The following ERGIC1 variants were observed in gnomAD, a reference collection of about 807,000 sequenced individuals.
ERGIC1 encodes the protein endoplasmic reticulum-golgi intermediate compartment 1, also known as endoplasmic reticulum-Golgi intermediate compartment protein 1.
ERGIC1 carries 19 observed loss-of-function variants against 38.3 expected under a neutral mutation model. The ratio of observed to expected loss-of-function variants is 0.50; its 90% CI spans 0.35 to 0.73. ERGIC1 has a LOEUF of 0.73. Ranked by LOEUF, ERGIC1 falls within the 30% of genes least tolerant of loss-of-function variation. The pLI, the probability that ERGIC1 is intolerant of heterozygous loss-of-function variation, is 0.01. For synonymous variants in ERGIC1, 124 were observed against 157.6 expected (o/e 0.79, Z 1.60); for missense variants, 294 against 389.2 (o/e 0.76, Z 2.06).
chr5:172,905,471 T>C (rs771333018), intron 3 of ERGIC1: 9 of 465,430 alleles, frequency 1.9e-5, no homozygotes, highest in African/African-American at 4.0e-5. Context: ...CGTTGGGCCA[T>C]GCGGTGAGTG....
At chr5:172,943,222 G>A (rs1458404445) in intron 9 of ERGIC1, among the ~76,000 whole-genome samples, 3 of 152,168 alleles carry the variant, frequency 2.0e-5, no homozygotes, top group Non-Finnish European at 4.4e-5. Context: ...CCAAAGTGAG[G>A]TTCTTGCGAG....
intron 1 of ERGIC1, among the ~76,000 whole-genome samples, chr5:172,842,495 C>T (rs548042779): frequency 3.3e-4 from 51 of 152,304 alleles, no homozygotes; most frequent in African/African-American, 1.1e-3. Flanking sequence ...GTGCAGATGT[C>T]TCTGAGATCC....
chr5:172,860,977 G>A (rs1761683219), intron 1 of ERGIC1, among the ~76,000 whole-genome samples: 1 of 152,122 alleles, frequency 6.6e-6, no homozygotes, highest in Admixed American at 6.5e-5. Context: ...GACTGCCTGG[G>A]GTCACTCTGG....
At chr5:172,944,754 G>C (rs949984474) in intron 9 of ERGIC1, among the ~76,000 whole-genome samples, 6 of 152,342 alleles carry the variant, frequency 3.9e-5, no homozygotes, top group Admixed American at 3.3e-4. Flanking sequence ...AATTCTGCCA[G>C]CCTCCAAAGC....
intron 1 of ERGIC1, among the ~76,000 whole-genome samples, chr5:172,877,458 A>ATATATTTT (rs58452182): frequency 6.7e-4 from 58 of 86,608 alleles, no homozygotes; most frequent in African/African-American, 2.4e-3. Context: ...ATATATATAT[A>ATATATTTT]TTTTTTTTTT....
chr5:172,910,378 GAC>G (rs755497998), intron 4 of ERGIC1, among the ~76,000 whole-genome samples: 8 of 152,202 alleles, frequency 5.3e-5, no homozygotes, highest in Non-Finnish European at 1.0e-4. Context: ...ATTGGCAGCT[GAC>G]ACCTAGAGAA....
intron 6 of ERGIC1, among the ~76,000 whole-genome samples, chr5:172,925,795 C>A (rs1333330215): frequency 6.6e-6 from 1 of 152,212 alleles, no homozygotes; most frequent in African/African-American, 2.4e-5. Flanking sequence ...GTTAACCATG[C>A]CCATGGTAGC....
At chr5:172,923,958 C>A (rs777637919) in intron 5 of ERGIC1, 47 bp from the exon 6 acceptor site, 1 of 1,565,778 alleles carries the variant, frequency 6.4e-7, no homozygotes, top group Non-Finnish European at 8.8e-7. Flanking sequence ...ATGTTCCGCC[C>A]CCTGGAGAAG....
chr5:172,926,630 G>C lies in ERGIC1; in HGVS notation c.541+61G>C, dbSNP rs1045342156. On this transcript the variant is annotated intron_variant, in intron 7 of 9. Coordinates refer to ENST00000393784, the MANE Select transcript of ERGIC1 (RefSeq NM_001031711.3). The surrounding 1 kb of genome is among the most constrained non-coding windows in gnomAD (Gnocchi z 5.2). The stretch of plus-strand genomic sequence containing the variant: ...AGATGCCCAGTACAGCAGGCAGGGA[G>C]GGGGAGGGCAGAGAGGTGGGGGTGC... 9 of 1,588,750 alleles carry C rather than the reference G, an allele frequency of 5.7e-6. No homozygotes were observed. In the South Asian group the frequency reaches 7.7e-5, roughly 14 times the overall value.
At chr5:172,889,966 C>T (rs1490495924) in intron 2 of ERGIC1, among the ~76,000 whole-genome samples, 1 of 152,186 alleles carries the variant, frequency 6.6e-6, no homozygotes, top group Non-Finnish European at 1.5e-5. Context: ...TAGCTATTCT[C>T]CCATCCAGGT....
intron 1 of ERGIC1, among the ~76,000 whole-genome samples, chr5:172,868,343 C>T (rs763965166): frequency 1.7e-4 from 26 of 152,204 alleles, no homozygotes; most frequent in Non-Finnish European, 3.4e-4. Context: ...CACACTGGTT[C>T]ATCCAGACAG....
At chr5:172,836,069 T>C (rs1761029008) in intron 1 of ERGIC1, among the ~76,000 whole-genome samples, 1 of 152,188 alleles carries the variant, frequency 6.6e-6, no homozygotes. Context: ...AAATTGCTGT[T>C]TTTGATCTTT....
At chr5:172,947,906 G>A (rs1764158136) in intron 9 of ERGIC1, among the ~76,000 whole-genome samples, 1 of 151,856 alleles carries the variant, frequency 6.6e-6, no homozygotes, top group African/African-American at 2.4e-5. Flanking sequence ...GTGTGTGTGT[G>A]TGTGTGGTTA....
intron 1 of ERGIC1, among the ~76,000 whole-genome samples, chr5:172,854,474 T>C (rs1046856707): frequency 6.6e-6 from 1 of 152,280 alleles, no homozygotes; most frequent in Non-Finnish European, 1.5e-5. Context: ...CTGGGGCCAC[T>C]GTCTGTTGGG....
chr5:172,855,634 C>T (rs555594121), intron 1 of ERGIC1, among the ~76,000 whole-genome samples: 3 of 152,344 alleles, frequency 2.0e-5, no homozygotes, highest in South Asian at 4.1e-4. Context: ...GTCCTCCCCA[C>T]GATGTTCAAC....
chr5:172,935,372 C>T, intron 9 of ERGIC1, 62 bp downstream of exon 9: 1 of 1,606,842 alleles, frequency 6.2e-7, no homozygotes, highest in Non-Finnish European at 8.5e-7. Context: ...GCTCTGGGCC[C>T]CTTTCCTTGG....
chr5:172,900,715 A>C (rs1167728798), intron 3 of ERGIC1, among the ~76,000 whole-genome samples: 1 of 145,928 alleles, frequency 6.9e-6, no homozygotes, highest in South Asian at 2.2e-4. Flanking sequence ...ATCTCAAAAA[A>C]AAAAAACAAA....
At chr5:172,863,631 G>A (rs547384596) in intron 1 of ERGIC1, among the ~76,000 whole-genome samples, 27 of 152,216 alleles carry the variant, frequency 1.8e-4, no homozygotes, top group African/African-American at 6.0e-4. Flanking sequence ...CCAGGCAGCT[G>A]CCCCTGATCT....
At chr5:172,867,638 T>C in intron 1 of ERGIC1, 1 of 337,016 alleles carries the variant, frequency 3.0e-6, no homozygotes, top group Non-Finnish European at 6.1e-6. Flanking sequence ...CACTCACCTC[T>C]CCCTTCTCTC....
Sources: gnomAD v4.1 joint callset for allele counts (sites outside exome capture counted in the v4.1 genomes callset) on GRCh38, gnomAD v4.1.1 for gene constraint, Gnocchi (gnomAD v3.1) non-coding constraint, MANE v1.5 for transcripts, NCBI Gene and HGNC (gene_info 2026-07-23, HGNC 2026-07-21) for gene names.